RASSF2: variants seen among roughly 807,000 people sequenced by gnomAD.
RASSF2 encodes ras association domain-containing protein 2.
A neutral mutation model predicts 46.3 loss-of-function variants in RASSF2; 34 were observed. The ratio of observed to expected loss-of-function variants is 0.73; its 90% confidence interval spans 0.56 to 0.98. The LOEUF is 0.98. Among genes scored for constraint, RASSF2 ranks in the 50% least tolerant of loss-of-function variants. RASSF2 has a pLI of 0.00. For missense variants in RASSF2, 364 were observed against 431.2 expected (o/e 0.84, Z 1.38); for synonymous variants, 158 against 162.5 (o/e 0.97, Z 0.21).
intron 2 of RASSF2, among the ~76,000 whole-genome samples, chr20:4,807,721 A>AT (rs1927454833): frequency 6.6e-6 from 1 of 152,210 alleles, no homozygotes; most frequent in South Asian, 2.1e-4. Context: ...ATGTTGCCCC[A>AT]TCTTTGTCTA....
intron 3 of RASSF2, among the ~76,000 whole-genome samples, chr20:4,799,048 T>C (rs1454080003): frequency 6.6e-6 from 1 of 152,134 alleles, no homozygotes; most frequent in Non-Finnish European, 1.5e-5. Flanking sequence ...TCATATTCCA[T>C]TGACAGAAAG....
intron 4 of RASSF2, among the ~76,000 whole-genome samples, chr20:4,797,465 C>A (rs1327690607): frequency 6.6e-6 from 1 of 152,176 alleles, no homozygotes; most frequent in East Asian, 1.9e-4. Flanking sequence ...TGATAACAGG[C>A]TTTAGAGAAA....
At chr20:4,801,346 G>T (rs757763290) in intron 2 of RASSF2, among the ~76,000 whole-genome samples, 16 of 152,182 alleles carry the variant, frequency 1.1e-4, no homozygotes, top group East Asian at 1.9e-4. Flanking sequence ...CAGCCACATT[G>T]GTTCCAAGGA....
At chr20:4,793,634 T>C (rs1926090328) in intron 5 of RASSF2, among the ~76,000 whole-genome samples, 2 of 151,658 alleles carry the variant, frequency 1.3e-5, no homozygotes, top group Non-Finnish European at 2.9e-5. Flanking sequence ...CTCAGCATCC[T>C]TATTTTTTTT....
chr20:4,787,817 T>C lies in RASSF2; in HGVS notation c.692-63A>G, dbSNP rs1330341828. The C allele has an allele frequency of 2.6e-6, 4 of 1,530,650 alleles. No homozygotes were observed. The African/African-American group carries it at 5.7e-5, about 22-fold the overall frequency. The allele number at this position is 1,530,650 out of a possible 1,614,324, so 94.8% of individuals were successfully genotyped here. Reference sequence around the variant, plus strand: ...CTTTCTCACATTAAGTAGTGGTTAATGCAGGGGTCCAAAGGCACCTTAGGA... The same window carrying C: ...CTTTCTCACATTAAGTAGTGGTTAACGCAGGGGTCCAAAGGCACCTTAGGA... On this transcript the variant is annotated intron_variant, in intron 9 of 11. Transcript: ENST00000379400.
intron 2 of RASSF2, among the ~76,000 whole-genome samples, chr20:4,813,936 C>A (rs1204731728): frequency 1.3e-5 from 2 of 152,162 alleles, no homozygotes; most frequent in African/African-American, 2.4e-5. Flanking sequence ...CCAGCCAAGA[C>A]ATAGTCCCTC....
At chr20:4,796,118 G>T (rs2423006) in intron 4 of RASSF2, 152 bp from the exon 5 acceptor site, 4 of 646,646 alleles carry the variant, frequency 6.2e-6, no homozygotes, top group Non-Finnish European at 9.1e-6. Flanking sequence ...AGTTCACACC[G>T]CAGCTCTGAG....
intron 2 of RASSF2, among the ~76,000 whole-genome samples, chr20:4,818,995 T>A (rs1466871206): frequency 6.6e-6 from 1 of 152,090 alleles, no homozygotes; most frequent in Non-Finnish European, 1.5e-5. Flanking sequence ...GAAGTTTTGT[T>A]CTTGTTGCCA....
chr20:4,819,572 T>C (rs1170095407), intron 2 of RASSF2, among the ~76,000 whole-genome samples: 1 of 152,156 alleles, frequency 6.6e-6, no homozygotes, highest in South Asian at 2.1e-4. Flanking sequence ...CAGTCATTGG[T>C]TGAGACCAGT....
chr20:4,791,279 G>A (rs1555789467), intron 6 of RASSF2, among the ~76,000 whole-genome samples: 1 of 152,136 alleles, frequency 6.6e-6, no homozygotes, highest in Non-Finnish European at 1.5e-5. Context: ...GCTATTGGGA[G>A]TTTAATGGGT....
At position 4,787,595 on chromosome 20, in the gene RASSF2, C is replaced by G. The variant is rs779329742; in HGVS notation, c.813+38G>C. 2.5e-6 allele frequency: 4 copies of G among 1,613,086 alleles called. No individual in the cohort carries two copies. The South Asian group carries it at 4.4e-5, about 18-fold the overall frequency. ...CAGGTGGTCCAACCAAATCCCCACCCTCCTGAGGACAGATCGCCTGACCCA... is the reference window on the plus strand; with the variant it reads ...CAGGTGGTCCAACCAAATCCCCACCGTCCTGAGGACAGATCGCCTGACCCA... On this transcript the variant is annotated intron_variant, in intron 10 of 11. Transcript: ENST00000379400.
chr20:4,815,384 AG>A (rs1928220528), intron 2 of RASSF2, among the ~76,000 whole-genome samples: 1 of 119,298 alleles, frequency 8.4e-6, no homozygotes, highest in Non-Finnish European at 2.1e-5. Context: ...TGATTATCTG[AG>A]GCTACCACCA....
rs1293626815 is a variant in RASSF2, at chr20:4,802,916, T to A, written c.-32-1854A>T. Among the ~76,000 whole-genome samples, 1,010 of 122,314 alleles carry A rather than the reference T, an allele frequency of 8.3e-3. 6 individuals are homozygous for A. The highest frequency in any genetic ancestry group is 0.015 in the South Asian group (59 of 3,832). The allele number at this position is 122,314 out of a possible 152,430, so 80.2% of individuals were successfully genotyped here. A position where few individuals can be genotyped will look rare whatever the true frequency, so the allele number is the denominator to read the frequency against. ...TATATACATATATATATATATATATTTTTTTTTTTTGAGACAGAGACTCAC... is the reference window on the plus strand; with the variant it reads ...TATATACATATATATATATATATATATTTTTTTTTTGAGACAGAGACTCAC... On this transcript the variant is annotated intron_variant, in intron 2 of 11. Coordinates refer to ENST00000379400, the MANE Select transcript of RASSF2 (RefSeq NM_014737.3).
At chr20:4,814,290 A>AG (rs1928095003) in intron 2 of RASSF2, among the ~76,000 whole-genome samples, 1 of 152,122 alleles carries the variant, frequency 6.6e-6, no homozygotes, top group Non-Finnish European at 1.5e-5. Flanking sequence ...GCAGGTAAGG[A>AG]GGGGCTGCCT....
chr20:4,792,686 G>T, intron 5 of RASSF2, 59 bp from the exon 6 acceptor site: 2 of 1,572,256 alleles, frequency 1.3e-6, no homozygotes, highest in Admixed American at 3.7e-5. Flanking sequence ...GTGGAGAGAC[G>T]CCCCCGCACC....
At chr20:4,789,421 A>G (rs1162993075) in intron 8 of RASSF2, among the ~76,000 whole-genome samples, 175 bp downstream of exon 8, 1 of 152,130 alleles carries the variant, frequency 6.6e-6, no homozygotes, top group African/African-American at 2.4e-5. Flanking sequence ...CACCCAGGTG[A>G]TGCTGATGCT....
chr20:4,801,387 C>T (rs954639059), intron 2 of RASSF2, among the ~76,000 whole-genome samples: 4 of 152,106 alleles, frequency 2.6e-5, no homozygotes, highest in Non-Finnish European at 5.9e-5. Context: ...CTGAAGAGAC[C>T]GTCACAACAC....
chr20:4,787,256 A>G (rs1043305333), intron 10 of RASSF2, among the ~76,000 whole-genome samples: 1 of 152,126 alleles, frequency 6.6e-6, no homozygotes, highest in Non-Finnish European at 1.5e-5. Flanking sequence ...ATATGCTTAC[A>G]TGATTTGGCC....
chr20:4,799,956 T>TA (rs1465952695), intron 3 of RASSF2, among the ~76,000 whole-genome samples: 1 of 151,584 alleles, frequency 6.6e-6, no homozygotes, highest in Non-Finnish European at 1.5e-5. Flanking sequence ...TACTAAAAAT[T>TA]AAAAAATTAG....
Sources: allele counts gnomAD v4.1 joint callset (sites outside exome capture counted in the v4.1 genomes callset), GRCh38; gene constraint gnomAD v4.1.1; transcripts MANE v1.5; gene names NCBI Gene and HGNC (gene_info 2026-07-23, HGNC 2026-07-21).